Variants in DSCAML1 observed in about 807,000 individuals in gnomAD.
DSCAML1 encodes the protein cell adhesion molecule DSCAML1.
In DSCAML1, 38 loss-of-function variants were observed where a neutral mutation model predicts 200.5. That is an observed-to-expected ratio of 0.19 (90% CI 0.15 to 0.25). DSCAML1 has a LOEUF of 0.25. Among genes scored for constraint, DSCAML1 ranks in the 10% least tolerant of loss-of-function variants. DSCAML1 has a pLI of 1.00. For synonymous variants in DSCAML1, 1,215 were observed against 1,165.0 expected (o/e 1.04, Z -0.87); for missense variants, 2,223 against 2,858.8 (o/e 0.78, Z 5.07).
chr11:117,748,445 A>C (rs531145257), intron 3 of DSCAML1, among the ~76,000 whole-genome samples: 20 of 152,308 alleles, frequency 1.3e-4, no homozygotes, highest in African/African-American at 3.4e-4. Flanking sequence ...GGGAGAAGGC[A>C]GGAGTCATGT....
intron 3 of DSCAML1, among the ~76,000 whole-genome samples, chr11:117,584,844 G>A (rs752571071): frequency 6.6e-6 from 1 of 152,198 alleles, no homozygotes; most frequent in Non-Finnish European, 1.5e-5. Context: ...CTCCTTTTCT[G>A]TAAAATGGCT....
At chr11:117,654,970 C>A (rs1254581919) in intron 3 of DSCAML1, among the ~76,000 whole-genome samples, 1 of 152,238 alleles carries the variant, frequency 6.6e-6, no homozygotes, top group Non-Finnish European at 1.5e-5. Flanking sequence ...AAACAGAAAA[C>A]CCTCTGCCCA....
intron 3 of DSCAML1, among the ~76,000 whole-genome samples, chr11:117,734,818 A>G (rs2054289730): frequency 6.6e-6 from 1 of 152,182 alleles, no homozygotes; most frequent in African/African-American, 2.4e-5. Context: ...AAGGTGGTTT[A>G]GGAGGACTGA....
Position 117,443,900 on chromosome 11 carries a change from T to C in DSCAML1, c.3848A>G (p.Glu1283Gly). Reference protein sequence around the residue: ...RGNSSEKVTIEPAGKAPAKII... With the variant: ...RGNSSEKVTIGPAGKAPAKII... ...AGGCTTCTCACCCTTGCCAGCAGGC[T>C]CGATGGTCACCTTCTCGCTGCTGTT... is the stretch of plus-strand genomic sequence containing the variant. Residue 1283 changes from glutamate (E) to glycine (G), a missense_variant, in exon 21 of 33, where the codon GAG becomes GGG. Around this residue, in one of 7 missense-constraint regions of DSCAML1, gnomAD observed 614 missense variants for 739.1 expected, o/e 0.83. Transcript: ENST00000651296. The C allele has an allele frequency of 6.2e-7, 1 of 1,607,304 alleles. No individual in the cohort carries two copies. The highest frequency in any genetic ancestry group is 8.5e-7 in the Non-Finnish European group (1 of 1,177,070).
rs1045773270 is a variant in DSCAML1, at chr11:117,683,044, C to T, written c.511+93747G>A. 7.2e-5 allele frequency among the ~76,000 whole-genome samples: 11 copies of T among 152,212 alleles called. 1 individual carries two copies. The highest frequency in any genetic ancestry group is 1.5e-5 in the Non-Finnish European group (1 of 68,036). The stretch of plus-strand genomic sequence containing the variant: ...TTCCTGGCCAGTTTCACTCATTCAT[C>T]CATTCATTCATTCATTCACCTTTAG... On this transcript the variant is annotated intron_variant, in intron 3 of 32. Transcript: ENST00000651296.
At chr11:117,439,761 C>T in intron 22 of DSCAML1, 58 bp downstream of exon 22, 10 of 1,518,938 alleles carry the variant, frequency 6.6e-6, no homozygotes, top group Non-Finnish European at 9.1e-6. Context: ...CTCCACACCG[C>T]TCTTCTACTA....
Position 117,780,874 on chromosome 11 carries a change from C to T in DSCAML1, c.47-64G>A. On this transcript the variant is annotated intron_variant, in intron 1 of 32. Coordinates refer to ENST00000651296, the MANE Select transcript of DSCAML1 (RefSeq NM_020693.4). This position sits in a 1 kb window ranked among gnomAD's most constrained non-coding sequence, Gnocchi z 4.8. The stretch of plus-strand genomic sequence containing the variant: ...GCTCTAACAATACCCATATAAGCCA[C>T]GGAGGCTTGCGACAGGCTGCACTCA... 1.5e-6 allele frequency: 2 copies of T among 1,307,760 alleles called. No individual in the cohort carries two copies. The highest frequency in any genetic ancestry group is 9.9e-7 in the Non-Finnish European group (1 of 1,010,268). 81.0% of individuals were successfully genotyped at this position (1,307,760 alleles called of 1,614,324 possible). A position where few individuals can be genotyped will look rare whatever the true frequency, so the allele number is the denominator to read the frequency against.
chr11:117,736,006 G>A (rs1184489579), intron 3 of DSCAML1, among the ~76,000 whole-genome samples: 1 of 152,214 alleles, frequency 6.6e-6, no homozygotes, highest in Non-Finnish European at 1.5e-5. Context: ...TCCCCAGAGA[G>A]CTCCCAGAAA....
At chr11:117,555,161 T>C (rs1591260109) in intron 3 of DSCAML1, among the ~76,000 whole-genome samples, 1 of 152,228 alleles carries the variant, frequency 6.6e-6, no homozygotes, top group South Asian at 2.1e-4. Context: ...TGTTACCCCA[T>C]GTCTGGGCTC....
chr11:117,730,134 G>T (rs759986985), intron 3 of DSCAML1, among the ~76,000 whole-genome samples: 1 of 152,146 alleles, frequency 6.6e-6, no homozygotes, highest in Non-Finnish European at 1.5e-5. Context: ...AGGAGGCAGA[G>T]GTTGCAGTGA....
chr11:117,509,345 C>T (rs1385317512), intron 8 of DSCAML1, among the ~76,000 whole-genome samples: 2 of 152,090 alleles, frequency 1.3e-5, no homozygotes, highest in African/African-American at 2.4e-5. Context: ...TCAACAGCTC[C>T]GAGAGGCCAC....
In DSCAML1 at chr11:117,780,945, G is replaced by A; in HGVS notation, c.47-135C>T. On this transcript the variant is annotated intron_variant, in intron 1 of 32. Coordinates refer to ENST00000651296, the MANE Select transcript of DSCAML1 (RefSeq NM_020693.4). This position sits in a 1 kb window ranked among gnomAD's most constrained non-coding sequence, Gnocchi z 4.8. ...CAGTCATTCAGTATGCACTTATTGA[G>A]CACTGACTATACACCAGGCACTGGC... is the stretch of plus-strand genomic sequence containing the variant. The A allele has an allele frequency of 1.6e-6, 1 of 620,988 alleles. No homozygotes were observed. The highest frequency in any genetic ancestry group is 2.4e-6 in the Non-Finnish European group (1 of 411,646). The allele number at this position is 620,988 out of a possible 1,614,324, so 38.5% of individuals were successfully genotyped here.
intron 3 of DSCAML1, among the ~76,000 whole-genome samples, chr11:117,542,566 C>A (rs972078013): frequency 6.6e-6 from 1 of 152,174 alleles, no homozygotes; most frequent in Non-Finnish European, 1.5e-5. Context: ...CTTTTAGGTA[C>A]CTCTCTCCAA....
At chr11:117,557,086 T>C (rs909635185) in intron 3 of DSCAML1, among the ~76,000 whole-genome samples, 1 of 152,066 alleles carries the variant, frequency 6.6e-6, no homozygotes, top group African/African-American at 2.4e-5. Flanking sequence ...CCAATAGCCA[T>C]AAAGGGATTC....
Position 117,431,430 on chromosome 11 carries a change from G to GA in DSCAML1, c.5374+103_5374+104insT, listed in dbSNP as rs1357642106. 6.1e-5 allele frequency: 67 copies of GA among 1,103,904 alleles called. 1 individual carries two copies. The South Asian group carries it at 1.1e-3, about 18-fold the overall frequency. 68.4% of individuals were successfully genotyped at this position (1,103,904 alleles called of 1,614,324 possible). A position where few individuals can be genotyped will look rare whatever the true frequency, so the allele number is the denominator to read the frequency against. On this transcript the variant is annotated intron_variant, in intron 31 of 32. Coordinates refer to ENST00000651296, the MANE Select transcript of DSCAML1 (RefSeq NM_020693.4). ...GACATGAAACTGACTTGTGCCTTGG[G>GA]CCCCATGAGCTGGTGGGTAGAAGCT...
At chr11:117,567,775 G>A (rs2137429911) in intron 3 of DSCAML1, among the ~76,000 whole-genome samples, 1 of 152,214 alleles carries the variant, frequency 6.6e-6, no homozygotes, top group Non-Finnish European at 1.5e-5. Flanking sequence ...TGGATTCACA[G>A]CCGAATTCTA....
intron 1 of DSCAML1, among the ~76,000 whole-genome samples, chr11:117,806,782 T>A (rs182700634): frequency 0.014 from 2,067 of 152,324 alleles, 34 homozygotes; most frequent in Non-Finnish European, 0.018. Flanking sequence ...TTACATTTTT[T>A]AAAGTTTGAA....
intron 3 of DSCAML1, among the ~76,000 whole-genome samples, chr11:117,597,473 G>T (rs1427700249): frequency 1.3e-5 from 2 of 152,204 alleles, no homozygotes; most frequent in Non-Finnish European, 2.9e-5. Flanking sequence ...TTTCGAGACG[G>T]AGTCTCACTC....
At chr11:117,596,506 A>C (rs535112963) in intron 3 of DSCAML1, among the ~76,000 whole-genome samples, 1 of 152,184 alleles carries the variant, frequency 6.6e-6, no homozygotes, top group South Asian at 2.1e-4. Flanking sequence ...ACATATTTCT[A>C]TGTTTGGGTG....
Sources: allele counts gnomAD v4.1 joint callset (sites outside exome capture counted in the v4.1 genomes callset), GRCh38; gene constraint gnomAD v4.1.1; regional missense constraint gnomAD v4.1.1; non-coding constraint Gnocchi (gnomAD v3.1); transcripts MANE v1.5; gene names NCBI Gene and HGNC (gene_info 2026-07-23, HGNC 2026-07-21).